The following SCARB1 variants were observed in gnomAD, a reference collection of about 807,000 sequenced individuals.
The protein encoded by SCARB1 is CD36 and LIMPII analogous 1.
A neutral mutation model predicts 57.2 loss-of-function variants in SCARB1; 30 were observed. The observed-to-expected ratio is 0.52, with a 90% CI of 0.39 to 0.71. The LOEUF (loss-of-function observed/expected upper bound fraction) is 0.71, where lower values mean the gene tolerates loss of function less well. Ranked by LOEUF, SCARB1 falls within the 30% of genes least tolerant of loss-of-function variation. The pLI, the probability that SCARB1 is intolerant of heterozygous loss-of-function variation, is 0.00. For missense variants in SCARB1, 543 were observed against 671.2 expected (o/e 0.81, Z 2.11); for synonymous variants, 249 against 268.3 (o/e 0.93, Z 0.70).
chr12:124,850,304 C>T (rs868002629), intron 1 of SCARB1, among the ~76,000 whole-genome samples: 8 of 150,346 alleles, frequency 5.3e-5, no homozygotes, highest in Admixed American at 2.7e-4. Context: ...ACCCGGGAGG[C>T]GGAGGTTGCA....
chr12:124,809,707 C>T (rs1594261215), intron 6 of SCARB1, among the ~76,000 whole-genome samples: 1 of 152,174 alleles, frequency 6.6e-6, no homozygotes, highest in Non-Finnish European at 1.5e-5. Flanking sequence ...TGGAACACGA[C>T]ACAGCAAGGC....
At chr12:124,805,133 AGACCAAGACAAGAAGACAAGAAG>A (rs1377378385) in intron 7 of SCARB1, among the ~76,000 whole-genome samples, 1 of 114,288 alleles carries the variant, frequency 8.7e-6, no homozygotes, top group African/African-American at 5.3e-5. Flanking sequence ...GAAGACAAGA[AGACCAAGACAAGAAGACAAGAAG>A]AGGAAGCCAT....
rs544399628 is a variant in SCARB1, at chr12:124,810,347, C to G, written c.727-58G>C. 6.0e-5 allele frequency: 72 copies of G among 1,199,488 alleles called. No homozygotes were observed. In the African/African-American group the frequency reaches 6.6e-4, roughly 11 times the overall value. The allele number at this position is 1,199,488 out of a possible 1,614,324, so 74.3% of individuals were successfully genotyped here. A position where few individuals can be genotyped will look rare whatever the true frequency, so the allele number is the denominator to read the frequency against. On this transcript the variant is annotated intron_variant, in intron 5 of 12. Coordinates refer to ENST00000261693, the MANE Select transcript of SCARB1 (RefSeq NM_005505.5). This position sits in a 1 kb window ranked among gnomAD's most constrained non-coding sequence, Gnocchi z 4.0. ...TAGGGCCAAGGCCCCTTAATAAGCCCTCTCAGGTGCTGCACACCTAACTCA... is the reference window on the plus strand; with the variant it reads ...TAGGGCCAAGGCCCCTTAATAAGCCGTCTCAGGTGCTGCACACCTAACTCA...
chr12:124,819,488 G>A (rs1950867954), intron 1 of SCARB1, among the ~76,000 whole-genome samples: 1 of 152,238 alleles, frequency 6.6e-6, no homozygotes, highest in South Asian at 2.1e-4. Flanking sequence ...TCCTCTGCCA[G>A]CTTTCCTCCT....
intron 1 of SCARB1, among the ~76,000 whole-genome samples, chr12:124,856,289 G>C (rs550379597): frequency 2.6e-5 from 4 of 152,330 alleles, no homozygotes; most frequent in Non-Finnish European, 4.4e-5. Flanking sequence ...ATCAACACAG[G>C]TGTCTGCATA....
chr12:124,834,111 C>G (rs1219506449), intron 1 of SCARB1, among the ~76,000 whole-genome samples: 1 of 152,266 alleles, frequency 6.6e-6, no homozygotes, highest in Non-Finnish European at 1.5e-5. Flanking sequence ...CAGCTTCATC[C>G]TCAGCCACAT....
chr12:124,782,188 G>A (rs1394000476), intron 12 of SCARB1, among the ~76,000 whole-genome samples: 2 of 152,124 alleles, frequency 1.3e-5, no homozygotes, highest in African/African-American at 2.4e-5. Flanking sequence ...GATTACAGGT[G>A]TGAGCCACCG....
At chr12:124,816,607 G>T (rs149474528) in intron 2 of SCARB1, among the ~76,000 whole-genome samples, 1 of 152,058 alleles carries the variant, frequency 6.6e-6, no homozygotes, top group African/African-American at 2.4e-5. Flanking sequence ...CCCTCTGCCC[G>T]CCCCATCCCT....
At chr12:124,797,542 G>C (rs1206567194) in intron 8 of SCARB1, among the ~76,000 whole-genome samples, 3 of 152,232 alleles carry the variant, frequency 2.0e-5, no homozygotes, top group Non-Finnish European at 4.4e-5. Flanking sequence ...GGACGCAGCA[G>C]CTAAAGTGGC....
chr12:124,811,827 C>G, intron 5 of SCARB1, 43 bp downstream of exon 5: 1 of 1,432,758 alleles, frequency 7.0e-7, no homozygotes, highest in Non-Finnish European at 9.7e-7. Context: ...GGCCCACCCT[C>G]CCCTCTCCCT....
chr12:124,803,219 G>T (rs1950194582), intron 7 of SCARB1, among the ~76,000 whole-genome samples: 1 of 152,196 alleles, frequency 6.6e-6, no homozygotes, highest in African/African-American at 2.4e-5. Context: ...GGCATCCAGG[G>T]CCTGTCCTGT....
intron 1 of SCARB1, among the ~76,000 whole-genome samples, chr12:124,838,653 T>A (rs1951787867): frequency 6.6e-6 from 1 of 151,978 alleles, no homozygotes; most frequent in Admixed American, 6.6e-5. Flanking sequence ...TGGTCTACCA[T>A]CTACAAACCA....
At chr12:124,788,570 G>C (rs1004209284) in intron 9 of SCARB1, among the ~76,000 whole-genome samples, 5 of 152,218 alleles carry the variant, frequency 3.3e-5, no homozygotes, top group Non-Finnish European at 5.9e-5. Context: ...GTGACCTTGA[G>C]GATGGAAGCC....
chr12:124,846,208 A>G (rs952755401), intron 1 of SCARB1, among the ~76,000 whole-genome samples: 1 of 152,190 alleles, frequency 6.6e-6, no homozygotes, highest in African/African-American at 2.4e-5. Flanking sequence ...ACAAGGATTA[A>G]TTATATGTTA....
chr12:124,801,989 A>G (rs1950148968), intron 7 of SCARB1, among the ~76,000 whole-genome samples: 1 of 151,748 alleles, frequency 6.6e-6, no homozygotes, highest in Non-Finnish European at 1.5e-5. Flanking sequence ...CGTCTCTACT[A>G]AAAATACAAA....
At chr12:124,781,312 C>T (rs1873427927) in intron 12 of SCARB1, among the ~76,000 whole-genome samples, 1 of 152,234 alleles carries the variant, frequency 6.6e-6, no homozygotes, top group South Asian at 2.1e-4. Flanking sequence ...CCTCACGTCC[C>T]CACAATGTGG....
chr12:124,794,310 A>G (rs1949849962), intron 9 of SCARB1, among the ~76,000 whole-genome samples: 1 of 152,072 alleles, frequency 6.6e-6, no homozygotes, highest in Admixed American at 6.6e-5. Context: ...GTGCATTTTA[A>G]AGGGGTGAGT....
Position 124,863,779 on chromosome 12 carries a change from G to A in SCARB1, c.-59C>T. ...GGGCTCCGCGCCTGGCAGGAGACGG[G>A]GACGGCGACAGAGACGACACAGGCG... On this transcript the variant is annotated 5_prime_UTR_variant, in exon 1 of 13. Transcript: ENST00000261693. 5.0e-6 allele frequency: 7 copies of A among 1,392,110 alleles called. No homozygotes were observed. Among genetic ancestry groups the A allele is most frequent in the Non-Finnish European group, 5.6e-6 (6 of 1,076,560 alleles). The allele number at this position is 1,392,110 out of a possible 1,614,324, so 86.2% of individuals were successfully genotyped here.
chr12:124,837,055 A>T (rs1951675413), intron 1 of SCARB1, among the ~76,000 whole-genome samples: 2 of 152,168 alleles, frequency 1.3e-5, no homozygotes, highest in African/African-American at 4.8e-5. Flanking sequence ...CCCCGGGCAC[A>T]GAGATGAATC....
Sources: allele counts gnomAD v4.1 joint callset (sites outside exome capture counted in the v4.1 genomes callset), GRCh38; gene constraint gnomAD v4.1.1; non-coding constraint Gnocchi (gnomAD v3.1); transcripts MANE v1.5; gene names NCBI Gene and HGNC (gene_info 2026-07-23, HGNC 2026-07-21).